The following PDZD9 variants were observed in gnomAD, a reference collection of about 807,000 sequenced individuals.
PDZD9 encodes PDZ domain containing 9.
In PDZD9, 13 loss-of-function variants were observed where a neutral mutation model predicts 16.3. That is an observed-to-expected ratio of 0.80 (90% CI 0.52 to 1.27). The LOEUF (loss-of-function observed/expected upper bound fraction) is 1.27. PDZD9 is among the 50% of genes most tolerant of loss of function. The probability of loss-of-function intolerance (pLI) is 0.00; values close to 1 mark genes in which losing one functional copy is unlikely to be tolerated. For synonymous variants in PDZD9, 120 were observed against 111.0 expected, an observed-to-expected ratio of 1.08 and a Z score of -0.51; for missense variants, 288 against 310.9, an observed-to-expected ratio of 0.93 and a Z score of 0.55.
chr16:21,984,764 A>G (rs538476051), intron 3 of PDZD9, 104 bp from the exon 4 acceptor site: 5 of 853,882 alleles, frequency 5.9e-6, no homozygotes, highest in Admixed American at 7.0e-5. Context: ...AAAAGATACA[A>G]TTTAGCTTTA....
At chr16:21,962,441 A>C in the PDZD9 span, 5 of 1,613,956 alleles carry the variant, frequency 3.1e-6, no homozygotes, top group South Asian at 4.4e-5. Context: ...GATTTACTCT[A>C]GTTTATTTTC....
chr16:21,996,022 C>A (rs901142675), intron 2 of PDZD9, among the ~76,000 whole-genome samples: 3 of 152,078 alleles, frequency 2.0e-5, no homozygotes, highest in Non-Finnish European at 4.4e-5. Context: ...GAACTCCCTA[C>A]CTCAGGATCC....
chr16:21,976,302 C>G, the PDZD9 span: 4 of 1,383,670 alleles, frequency 2.9e-6, no homozygotes, highest in Admixed American at 5.1e-5. Context: ...GTATTCTTTT[C>G]AGATTATAAC....
In PDZD9 at chr16:21,984,565, C is replaced by G. The variant is rs143888025; in HGVS notation, c.497G>C (p.Arg166Thr). ...GTGATGCACAGTTGACCACGGATAT[C>G]TATAATATTGAAGTCTTTTATCTAA... ...VDLDKRLQYY[R>T]YPWSTVHHPA... Residue 166 changes from arginine to threonine, a missense_variant, in exon 4 of 4, where the codon AGA becomes ACA. Transcript: ENST00000424898. 5 of 1,582,204 alleles carry G rather than the reference C, an allele frequency of 3.2e-6. No individual in the cohort carries two copies. The highest frequency in any genetic ancestry group is 2.3e-5 in the South Asian group (2 of 87,176).
the PDZD9 span, among the ~76,000 whole-genome samples, chr16:21,960,871 C>T: frequency 6.6e-6 from 1 of 152,026 alleles, no homozygotes; most frequent in Non-Finnish European, 1.5e-5. Context: ...TGCTCTGTTT[C>T]CCAGGCTGGA....
intron 2 of PDZD9, chr16:21,995,407 T>A (rs965851001): frequency 5.9e-6 from 2 of 338,566 alleles, no homozygotes; most frequent in African/African-American, 4.4e-5. Context: ...ATAGACAGCA[T>A]CTCACTGTGT....
At chr16:21,974,033 A>AT in the PDZD9 span, 1 of 1,494,218 alleles carries the variant, frequency 6.7e-7, no homozygotes, top group Non-Finnish European at 9.2e-7. Flanking sequence ...CCCCCCCGCC[A>AT]TAAACATGTT....
At chr16:21,962,391 T>TATAAC in the PDZD9 span, 2 of 1,569,010 alleles carry the variant, frequency 1.3e-6, no homozygotes, top group East Asian at 2.2e-5. Flanking sequence ...AATTGGTTGA[T>TATAAC]AGAAGATTAT....
the PDZD9 span, chr16:21,965,483 T>C: frequency 1.2e-6 from 2 of 1,607,086 alleles, no homozygotes; most frequent in African/African-American, 2.7e-5. Context: ...GACTATAGGA[T>C]TGGAAAAGTG....
At chr16:21,973,725 G>A in the PDZD9 span, among the ~76,000 whole-genome samples, 2 of 152,350 alleles carry the variant, frequency 1.3e-5, 1 homozygote, top group Admixed American at 1.3e-4. Context: ...AGTTCTGAAA[G>A]AGGTAACCTA....
At chr16:21,962,486 C>G in the PDZD9 span, 1 of 1,614,132 alleles carries the variant, frequency 6.2e-7, no homozygotes, top group Non-Finnish European at 8.5e-7. Flanking sequence ...GAAAACATGG[C>G]TTATACTGTG....
chr16:22,001,029 T>C lies in PDZD9; in HGVS notation c.19A>G (p.Lys7Glu). 1 of 1,533,324 alleles carries C rather than the reference T, an allele frequency of 6.5e-7. No homozygotes were observed. Among genetic ancestry groups the C allele is most frequent in the Non-Finnish European group, 8.7e-7 (1 of 1,145,906 alleles). The allele number at this position is 1,533,324 out of a possible 1,614,324, so 95.0% of individuals were successfully genotyped here. The change falls in exon 1 of 4, where the codon AAA becomes GAA. Residue 7 changes from lysine to glutamate, a missense_variant. Lys to Glu is a moderately conservative substitution (Grantham distance 56). Transcript: ENST00000424898. ...TCTCCCCAGTTACCTTTTTTGTTTT[T>C]GTGGGAGGCCTTCTGCATGGTCCCG... MQKASH[K>E]NKKERGVSNK... is the part of the protein sequence containing the mutation.
intron 1 of PDZD9, among the ~76,000 whole-genome samples, chr16:21,996,958 G>A (rs1216460407): frequency 6.6e-6 from 1 of 151,956 alleles, no homozygotes; most frequent in East Asian, 1.9e-4. Flanking sequence ...AAGTAGCTGG[G>A]ACTACTGGCA....
chr16:21,987,079 T>G (rs1373280809), intron 3 of PDZD9, among the ~76,000 whole-genome samples: 1 of 152,148 alleles, frequency 6.6e-6, no homozygotes, highest in Non-Finnish European at 1.5e-5. Context: ...ACAAAAAGTC[T>G]TAAGAGATTT....
In PDZD9 at chr16:21,988,255, G is replaced by A. The variant is rs1029892209; in HGVS notation, c.401+347C>T. On this transcript the variant is annotated intron_variant, in intron 3 of 3. Transcript: ENST00000424898. ...GATTTCGTGACCTCATGATCCACCCGCCTCAGCCTCCCAAAGTGCTGGGAT... is the reference window on the plus strand; with the variant it reads ...GATTTCGTGACCTCATGATCCACCCACCTCAGCCTCCCAAAGTGCTGGGAT... Among the ~76,000 whole-genome samples the A allele has an allele frequency of 3.3e-5, 5 of 151,964 alleles. No individual in the cohort carries two copies. The East Asian group carries it at 5.8e-4, about 18-fold the overall frequency.
chr16:21,958,610 T>A, the PDZD9 span: 1 of 1,608,738 alleles, frequency 6.2e-7, no homozygotes, highest in African/African-American at 1.3e-5. Context: ...GTTTGTTAAA[T>A]AAGTAATAGA....
the PDZD9 span, among the ~76,000 whole-genome samples, chr16:21,967,167 A>G: frequency 6.6e-6 from 1 of 152,226 alleles, no homozygotes; most frequent in Non-Finnish European, 1.5e-5. Flanking sequence ...ACTTGGAGCA[A>G]TGGCAGCATC....
the PDZD9 span, chr16:21,977,025 C>T: frequency 6.6e-6 from 1 of 152,000 alleles, no homozygotes; most frequent in African/African-American, 2.4e-5. Flanking sequence ...TAACGAAAGA[C>T]TCCATGTTAG....
the PDZD9 span, among the ~76,000 whole-genome samples, chr16:21,975,581 GA>G: frequency 3.9e-5 from 6 of 152,074 alleles, no homozygotes; most frequent in Admixed American, 3.9e-4. Flanking sequence ...CACATCCCCG[GA>G]ACTTTATTCT....
Sources: allele counts gnomAD v4.1 joint callset (sites outside exome capture counted in the v4.1 genomes callset), GRCh38; gene constraint gnomAD v4.1.1; transcripts MANE v1.5; gene names NCBI Gene and HGNC (gene_info 2026-07-23, HGNC 2026-07-21).